IL1RAPL1: variants seen among roughly 807,000 people sequenced by gnomAD.
IL1RAPL1 encodes interleukin 1 receptor accessory protein like 1.
IL1RAPL1 carries 3 observed loss-of-function variants against 48.4 expected under a neutral mutation model. The ratio of observed to expected loss-of-function variants is 0.06; its 90% CI spans 0.03 to 0.16. IL1RAPL1 has a LOEUF of 0.16. Ranked by LOEUF, IL1RAPL1 falls within the 10% of genes least tolerant of loss-of-function variation. IL1RAPL1 has a pLI of 1.00. For synonymous variants in IL1RAPL1, 185 were observed against 187.7 expected (o/e 0.99, Z 0.12); for missense variants, 349 against 530.6 (o/e 0.66, Z 3.36).
At chrX:29,023,063 C>A (rs900665610) in intron 2 of IL1RAPL1, among the ~76,000 whole-genome samples, 1 of 111,828 alleles carries the variant, frequency 8.9e-6, no homozygotes, top group African/African-American at 3.2e-5. Flanking sequence ...TCACTTCATG[C>A]CAAAAGGAGG....
chrX:28,656,120 C>T (rs1270472216), intron 1 of IL1RAPL1, among the ~76,000 whole-genome samples: 1 of 111,956 alleles, frequency 8.9e-6, no homozygotes, highest in South Asian at 3.7e-4. Context: ...GATAAGATAT[C>T]AAACTAGTTA....
At chrX:28,843,885 A>G (rs143928446) in intron 2 of IL1RAPL1, among the ~76,000 whole-genome samples, 1,970 of 110,950 alleles carry the variant, frequency 0.018, 53 homozygotes, top group African/African-American at 0.061. Flanking sequence ...TTGCTCATTA[A>G]GATGAAATTT....
intron 3 of IL1RAPL1, among the ~76,000 whole-genome samples, chrX:29,345,750 A>G (rs187851888): frequency 1.8e-5 from 2 of 111,553 alleles, no homozygotes; most frequent in South Asian, 3.7e-4. Context: ...TTTATAATCC[A>G]TCTAGCATTT....
At chrX:28,726,722 C>T (rs990881059) in intron 1 of IL1RAPL1, among the ~76,000 whole-genome samples, 1 of 111,561 alleles carries the variant, frequency 9.0e-6, no homozygotes, top group African/African-American at 3.3e-5. Flanking sequence ...AAGTAAATGT[C>T]ATTATTTCCC....
chrX:29,783,317 G>C (rs1041579278), intron 6 of IL1RAPL1, among the ~76,000 whole-genome samples: 4 of 111,371 alleles, frequency 3.6e-5, no homozygotes, highest in Non-Finnish European at 7.5e-5. Flanking sequence ...GATCCAAAAG[G>C]CAACTCTGGC....
chrX:28,618,084 G>A (rs1203428014), intron 1 of IL1RAPL1, among the ~76,000 whole-genome samples: 3 of 111,989 alleles, frequency 2.7e-5, no homozygotes, highest in Non-Finnish European at 5.6e-5. Flanking sequence ...ACAATATTGA[G>A]AGAATAGATA....
At chrX:28,952,660 T>C (rs959853444) in intron 2 of IL1RAPL1, among the ~76,000 whole-genome samples, 1 of 111,265 alleles carries the variant, frequency 9.0e-6, no homozygotes, top group Non-Finnish European at 1.9e-5. Context: ...AATGTTGACA[T>C]ATTTGACTCG....
intron 6 of IL1RAPL1, among the ~76,000 whole-genome samples, chrX:29,877,916 A>G (rs1931943011): frequency 8.9e-6 from 1 of 112,438 alleles, no homozygotes. Flanking sequence ...TTAGAATGTC[A>G]GCTCCAAGAA....
intron 2 of IL1RAPL1, among the ~76,000 whole-genome samples, chrX:29,223,157 A>G (rs1045771634): frequency 8.9e-6 from 1 of 111,828 alleles, no homozygotes; most frequent in African/African-American, 3.2e-5. Context: ...TTAAAAAAAA[A>G]TGGTACATTC....
At chrX:29,399,686 G>A (rs1415657608) in intron 5 of IL1RAPL1, among the ~76,000 whole-genome samples, 2 of 110,666 alleles carry the variant, frequency 1.8e-5, no homozygotes, top group Admixed American at 9.6e-5. Flanking sequence ...AGGCGTGGTG[G>A]TGGGCGCCTG....
At chrX:29,608,031 C>A (rs916767439) in intron 5 of IL1RAPL1, among the ~76,000 whole-genome samples, 1 of 112,033 alleles carries the variant, frequency 8.9e-6, no homozygotes, top group Admixed American at 9.5e-5. Context: ...TTTTAAAATT[C>A]TCTGCACTGA....
chrX:29,438,662 G>A (rs924524175), intron 5 of IL1RAPL1, among the ~76,000 whole-genome samples: 3 of 111,226 alleles, frequency 2.7e-5, no homozygotes, highest in African/African-American at 9.8e-5. Flanking sequence ...GTCGTTTGGT[G>A]TCCAAATGTT....
chrX:29,293,988 AGATTATT>A (rs1418215162), intron 3 of IL1RAPL1, among the ~76,000 whole-genome samples: 2 of 110,449 alleles, frequency 1.8e-5, no homozygotes, highest in Non-Finnish European at 3.8e-5. Flanking sequence ...TAGGAAGTTA[AGATTATT>A]CCAGGCTCTT....
intron 5 of IL1RAPL1, among the ~76,000 whole-genome samples, chrX:29,465,321 G>A (rs930067605): frequency 1.8e-5 from 2 of 111,174 alleles, no homozygotes; most frequent in Non-Finnish European, 3.8e-5. Flanking sequence ...TGGGCGGATC[G>A]CTTGAGCCCA....
chrX:29,511,432 G>C (rs1935392196), intron 5 of IL1RAPL1, among the ~76,000 whole-genome samples: 1 of 111,694 alleles, frequency 9.0e-6, no homozygotes, highest in African/African-American at 3.2e-5. Flanking sequence ...TTCTAGAAAA[G>C]CAGCCTATGT....
At chrX:29,437,205 A>C (rs923772384) in intron 5 of IL1RAPL1, among the ~76,000 whole-genome samples, 4 of 110,656 alleles carry the variant, frequency 3.6e-5, no homozygotes, top group African/African-American at 1.3e-4. Context: ...TTATAATTCT[A>C]TTATAGATTC....
chrX:29,937,854 A>T (rs1282333488), intron 8 of IL1RAPL1, among the ~76,000 whole-genome samples: 1 of 111,672 alleles, frequency 9.0e-6, no homozygotes, highest in Non-Finnish European at 1.9e-5. Flanking sequence ...GCTCCTTGTA[A>T]ATTCTGTTTC....
chrX:29,671,468 C>T (rs774712034), intron 6 of IL1RAPL1, among the ~76,000 whole-genome samples: 1 of 112,027 alleles, frequency 8.9e-6, no homozygotes, highest in South Asian at 3.7e-4. Context: ...TGAATCAATA[C>T]GTGGTCACAA....
intron 2 of IL1RAPL1, among the ~76,000 whole-genome samples, chrX:29,030,885 T>C (rs189381039): frequency 8.9e-6 from 1 of 112,155 alleles, no homozygotes; most frequent in East Asian, 2.8e-4. Flanking sequence ...TTCTGGGTGA[T>C]AAGACTGTCT....
Sources: allele counts gnomAD v4.1 joint callset (sites outside exome capture counted in the v4.1 genomes callset), GRCh38; gene constraint gnomAD v4.1.1; transcripts MANE v1.5; gene names NCBI Gene and HGNC (gene_info 2026-07-23, HGNC 2026-07-21).